Variants in RORA observed in about 807,000 individuals in gnomAD.
RORA encodes RAR related orphan receptor A.
RORA carries 7 observed loss-of-function variants against 69.5 expected under a neutral mutation model. That is an observed-to-expected ratio of 0.10 (90% CI 0.06 to 0.19). RORA has a LOEUF of 0.19. Ranked by LOEUF, RORA falls within the 10% of genes least tolerant of loss-of-function variation. The probability of loss-of-function intolerance (pLI) is 1.00; values close to 1 mark genes in which losing one functional copy is unlikely to be tolerated. For missense variants in RORA, 457 were observed against 663.0 expected (o/e 0.69, Z 3.41); for synonymous variants, 261 against 240.8 (o/e 1.08, Z -0.78).
At chr15:60,924,721 C>T (rs990466929) in intron 1 of RORA, among the ~76,000 whole-genome samples, 1 of 152,162 alleles carries the variant, frequency 6.6e-6, no homozygotes, top group African/African-American at 2.4e-5. Flanking sequence ...ATACTGTGAA[C>T]TATAACAACC....
chr15:60,927,108 A>T (rs1411862219), intron 1 of RORA, among the ~76,000 whole-genome samples: 1 of 150,532 alleles, frequency 6.6e-6, no homozygotes, highest in Admixed American at 6.6e-5. Context: ...CTCTCCAAAC[A>T]GTTGAAATGA....
At chr15:61,099,039 C>T (rs145064737) in intron 1 of RORA, among the ~76,000 whole-genome samples, 2 of 152,168 alleles carry the variant, frequency 1.3e-5, no homozygotes, top group Admixed American at 1.3e-4. Flanking sequence ...CATCATCAGA[C>T]AGACCAAGAA....
intron 2 of RORA, chr15:60,627,168 G>T (rs2069605329): frequency 7.3e-7 from 1 of 1,375,062 alleles, no homozygotes; most frequent in African/African-American, 1.4e-5. Flanking sequence ...CCAGACATTG[G>T]GTTGTGGGTG....
chr15:60,684,971 A>T (rs1304894084), intron 1 of RORA, among the ~76,000 whole-genome samples: 1 of 152,228 alleles, frequency 6.6e-6, no homozygotes, highest in Non-Finnish European at 1.5e-5. Context: ...ATAAAATGGG[A>T]ATAAAATTCT....
intron 1 of RORA, among the ~76,000 whole-genome samples, chr15:61,188,185 G>A (rs748377303): frequency 6.6e-6 from 1 of 152,156 alleles, no homozygotes; most frequent in Non-Finnish European, 1.5e-5. Context: ...CCTTCCTCTA[G>A]ATGGGAGTGG....
chr15:61,006,969 C>T (rs1029298421), intron 1 of RORA, among the ~76,000 whole-genome samples: 11 of 152,018 alleles, frequency 7.2e-5, no homozygotes, highest in African/African-American at 2.7e-4. Context: ...CTCAATTTCC[C>T]GGAGTCTTTC....
intron 1 of RORA, among the ~76,000 whole-genome samples, chr15:60,916,740 C>T (rs999347900): frequency 3.9e-5 from 6 of 152,190 alleles, no homozygotes; most frequent in African/African-American, 1.4e-4. Context: ...TCTTGACCCC[C>T]AGGTGATTCT....
chr15:60,968,961 TA>T (rs1250828424), intron 1 of RORA, among the ~76,000 whole-genome samples: 2 of 152,224 alleles, frequency 1.3e-5, no homozygotes, highest in Non-Finnish European at 2.9e-5. Flanking sequence ...TTGACATTCA[TA>T]ACCTTAACAC....
chr15:61,057,643 T>C (rs1371075521), intron 1 of RORA, among the ~76,000 whole-genome samples: 5 of 152,216 alleles, frequency 3.3e-5, no homozygotes, highest in Non-Finnish European at 7.3e-5. Context: ...CAGACATCTA[T>C]AGAAACTTCT....
intron 1 of RORA, among the ~76,000 whole-genome samples, chr15:61,024,518 T>A (rs1895703327): frequency 6.6e-6 from 1 of 151,164 alleles, no homozygotes; most frequent in South Asian, 2.1e-4. Flanking sequence ...TGGCATGATC[T>A]TGGTTCATTG....
chr15:61,125,849 A>T (rs1416460459), intron 1 of RORA, among the ~76,000 whole-genome samples: 1 of 152,196 alleles, frequency 6.6e-6, no homozygotes, highest in African/African-American at 2.4e-5. Context: ...TAAAAAATCA[A>T]TTGGCTAAAA....
intron 1 of RORA, among the ~76,000 whole-genome samples, chr15:60,869,982 G>A (rs757486769): frequency 1.3e-5 from 2 of 152,172 alleles, no homozygotes; most frequent in African/African-American, 2.4e-5. Flanking sequence ...GTGTTCCTTG[G>A]TTGCCTGCTT....
intron 1 of RORA, among the ~76,000 whole-genome samples, chr15:61,180,407 T>A (rs1370430): frequency 1.3e-5 from 2 of 151,960 alleles, no homozygotes; most frequent in East Asian, 3.9e-4. Flanking sequence ...CTATGCAACA[T>A]CTTACATGGT....
intron 1 of RORA, among the ~76,000 whole-genome samples, chr15:61,031,154 C>A (rs957704337): frequency 6.6e-6 from 1 of 152,080 alleles, no homozygotes; most frequent in African/African-American, 2.4e-5. Context: ...ATAAAAATAT[C>A]AAATCCAAAA....
chr15:60,967,778 G>A (rs1893597331), intron 1 of RORA, among the ~76,000 whole-genome samples: 1 of 152,184 alleles, frequency 6.6e-6, no homozygotes, highest in Non-Finnish European at 1.5e-5. Flanking sequence ...AATCTAATCA[G>A]CTATCATCCA....
intron 1 of RORA, among the ~76,000 whole-genome samples, chr15:60,728,361 G>C (rs2071390490): frequency 2.0e-5 from 3 of 152,058 alleles, no homozygotes; most frequent in African/African-American, 7.2e-5. Context: ...CTCACCCTTG[G>C]ACCTAGACAA....
At chr15:60,759,790 C>A (rs914811081) in intron 1 of RORA, among the ~76,000 whole-genome samples, 1 of 152,032 alleles carries the variant, frequency 6.6e-6, no homozygotes, top group Non-Finnish European at 1.5e-5. Flanking sequence ...TATTATCTTG[C>A]CAGTTGGGAA....
chr15:60,981,643 T>C (rs1051151834), intron 1 of RORA, among the ~76,000 whole-genome samples: 1 of 152,164 alleles, frequency 6.6e-6, no homozygotes, highest in Non-Finnish European at 1.5e-5. Context: ...AAATTTCTAT[T>C]TGGTCCCATT....
intron 1 of RORA, among the ~76,000 whole-genome samples, chr15:61,074,213 A>G (rs993368388): frequency 1.3e-5 from 2 of 152,214 alleles, no homozygotes; most frequent in African/African-American, 4.8e-5. Flanking sequence ...CTGTCCCTGT[A>G]TATGAAGCCT....
Sources: allele counts gnomAD v4.1 joint callset (sites outside exome capture counted in the v4.1 genomes callset), GRCh38; gene constraint gnomAD v4.1.1; transcripts MANE v1.5; gene names NCBI Gene and HGNC (gene_info 2026-07-23, HGNC 2026-07-21).